ZNF341: variants seen among roughly 807,000 people sequenced by gnomAD.
The protein encoded by ZNF341 is zinc finger protein 341.
ZNF341 carries 52 observed loss-of-function variants against 87.7 expected under a neutral mutation model. The observed-to-expected ratio is 0.59, with a 90% CI of 0.47 to 0.75. The LOEUF (loss-of-function observed/expected upper bound fraction) is 0.75. ZNF341 is among the 30% of genes least tolerant of loss of function. The probability of loss-of-function intolerance (pLI) is 0.00; values close to 1 mark genes in which losing one functional copy is unlikely to be tolerated. For missense variants in ZNF341, 977 were observed against 1,145.9 expected, an observed-to-expected ratio of 0.85 and a Z score of 2.13; for synonymous variants, 459 against 472.7, an observed-to-expected ratio of 0.97 and a Z score of 0.38.
At chr20:33,755,526 C>T (rs1015721788) in intron 5 of ZNF341, among the ~76,000 whole-genome samples, 6 of 149,184 alleles carry the variant, frequency 4.0e-5, no homozygotes, top group African/African-American at 2.5e-5. Context: ...CCAACTGTAG[C>T]TTTCTATTTA....
chr20:33,739,790 A>G (rs1223695270), intron 1 of ZNF341, among the ~76,000 whole-genome samples: 8 of 152,170 alleles, frequency 5.3e-5, no homozygotes, highest in Admixed American at 3.3e-4. Context: ...TTTCTTTCAC[A>G]TGAAAGTCCA....
chr20:33,764,545 A>G (rs182759094), intron 8 of ZNF341, among the ~76,000 whole-genome samples: 39 of 54,900 alleles, frequency 7.1e-4, no homozygotes, highest in East Asian at 3.8e-3. Context: ...GTGTATGTGT[A>G]TATATATATA....
chr20:33,785,084 T>G (rs919068512), intron 12 of ZNF341, among the ~76,000 whole-genome samples: 2 of 152,202 alleles, frequency 1.3e-5, no homozygotes, highest in Non-Finnish European at 1.5e-5. Context: ...ATTTTTTAAT[T>G]GCTTTTTAAT....
chr20:33,765,746 A>G (rs2019391104), intron 8 of ZNF341, among the ~76,000 whole-genome samples: 1 of 152,132 alleles, frequency 6.6e-6, no homozygotes, highest in African/African-American at 2.4e-5. Flanking sequence ...AGGTTTAACC[A>G]TTTAGCAAAC....
At chr20:33,743,220 C>T (rs918820394) in intron 2 of ZNF341, among the ~76,000 whole-genome samples, 13 of 151,590 alleles carry the variant, frequency 8.6e-5, no homozygotes, top group South Asian at 4.2e-4. Context: ...TTGGTAGAGA[C>T]GGGGTTTCGC....
chr20:33,776,289 C>T (rs897677241), intron 10 of ZNF341, among the ~76,000 whole-genome samples: 17 of 151,772 alleles, frequency 1.1e-4, no homozygotes, highest in African/African-American at 3.6e-4. Flanking sequence ...AACAGGGTTT[C>T]GCCATATTGC....
At chr20:33,770,412 G>T in intron 10 of ZNF341, 120 bp downstream of exon 10, 1 of 1,035,152 alleles carries the variant, frequency 9.7e-7, no homozygotes. Context: ...AGGAGAAACC[G>T]AGGCTCCTGG....
intron 1 of ZNF341, among the ~76,000 whole-genome samples, chr20:33,733,218 CTTTTTTTT>C (rs1163203751): frequency 7.6e-6 from 1 of 130,774 alleles, no homozygotes; most frequent in African/African-American, 2.9e-5. Context: ...GGCTAATTTC[CTTTTTTTT>C]TTTTTTTTTT....
chr20:33,748,772 G>A (rs1243773711), intron 3 of ZNF341, 151 bp from the exon 4 acceptor site: 4 of 703,682 alleles, frequency 5.7e-6, no homozygotes, highest in Non-Finnish European at 6.9e-6. Context: ...TGGAATCCAC[G>A]TCTGTGGGAT....
At chr20:33,741,457 T>C (rs6059442) in intron 2 of ZNF341, among the ~76,000 whole-genome samples, 55,387 of 150,556 alleles carry the variant, frequency 0.37, 12,302 homozygotes, top group East Asian at 0.69. Context: ...CAGGCTGGAG[T>C]GCAGGGCACG....
chr20:33,762,212 G>A (rs1007901387), intron 8 of ZNF341, among the ~76,000 whole-genome samples, 157 bp downstream of exon 8: 2 of 152,150 alleles, frequency 1.3e-5, no homozygotes, highest in African/African-American at 4.8e-5. Flanking sequence ...AAGGAAGGAT[G>A]ACAAACATAC....
At chr20:33,767,122 G>T in intron 9 of ZNF341, 81 bp downstream of exon 9, 1 of 1,493,378 alleles carries the variant, frequency 6.7e-7, no homozygotes, top group Non-Finnish European at 9.1e-7. Flanking sequence ...ATGCTGCCTA[G>T]AAAGGGGTAG....
At position 33,791,820 on chromosome 20, in the gene ZNF341, G is replaced by A. The variant is rs141852713; in HGVS notation, c.*303G>A. On this transcript the variant is annotated 3_prime_UTR_variant, in exon 15 of 15. Coordinates refer to ENST00000375200, the MANE Select transcript of ZNF341 (RefSeq NM_001282933.2). ...CCCAGAGTCCCGCTGGTCTAGGCTGGTGGTCGGGGCCCCTGGGAGAGGAGA... is the reference window on the plus strand; with the variant it reads ...CCCAGAGTCCCGCTGGTCTAGGCTGATGGTCGGGGCCCCTGGGAGAGGAGA... 5.3e-3 allele frequency: 1,870 copies of A among 355,072 alleles called. 27 individuals carry two copies. The highest frequency in any genetic ancestry group is 0.031 in the South Asian group (271 of 8,762). 22.0% of individuals were successfully genotyped at this position (355,072 alleles called of 1,614,324 possible).
At chr20:33,750,491 C>T (rs2019032669) in intron 4 of ZNF341, among the ~76,000 whole-genome samples, 1 of 152,024 alleles carries the variant, frequency 6.6e-6, no homozygotes, top group African/African-American at 2.4e-5. Context: ...GAGACAGCGT[C>T]TCACTCAGGT....
intron 11 of ZNF341, 27 bp downstream of exon 11, chr20:33,781,414 G>T: frequency 6.2e-7 from 1 of 1,603,402 alleles, no homozygotes. Flanking sequence ...TCTTTTCTGG[G>T]GCCTAGGCTA....
At chr20:33,766,783 T>A (rs931741750) in intron 8 of ZNF341, 68 bp from the exon 9 acceptor site, 1 of 1,495,730 alleles carries the variant, frequency 6.7e-7, no homozygotes, top group Non-Finnish European at 9.0e-7. Context: ...GAGCACGGAG[T>A]AGGGGTTCTG....
intron 7 of ZNF341, among the ~76,000 whole-genome samples, chr20:33,761,632 A>G (rs949496252): frequency 6.6e-6 from 1 of 152,176 alleles, no homozygotes; most frequent in Non-Finnish European, 1.5e-5. Flanking sequence ...TGGTCAGAGG[A>G]GGGCGGCTCC....
intron 2 of ZNF341, among the ~76,000 whole-genome samples, chr20:33,744,411 G>A (rs954420545): frequency 9.2e-5 from 14 of 151,784 alleles, no homozygotes; most frequent in African/African-American, 3.4e-4. Flanking sequence ...CAGGGCGAAC[G>A]GTGGATGCAA....
chr20:33,740,849 T>A, intron 1 of ZNF341, 53 bp from the exon 2 acceptor site: 1 of 1,549,740 alleles, frequency 6.5e-7, no homozygotes, highest in Non-Finnish European at 8.9e-7. Context: ...AAGGGTGATG[T>A]CAGAGCATGA....
Sources: allele counts gnomAD v4.1 joint callset (sites outside exome capture counted in the v4.1 genomes callset), GRCh38; gene constraint gnomAD v4.1.1; transcripts MANE v1.5; gene names NCBI Gene and HGNC (gene_info 2026-07-23, HGNC 2026-07-21).